The following ENTPD3 variants were observed in gnomAD, a reference collection of about 807,000 sequenced individuals.
The protein encoded by ENTPD3 is CD39 antigen-like 3.
A neutral mutation model predicts 51.2 loss-of-function variants in ENTPD3; 60 were observed. The observed-to-expected ratio is 1.17, with a 90% CI of 0.95 to 1.45. The LOEUF is 1.45. Ranked by LOEUF, ENTPD3 falls within the 40% of genes most tolerant of loss-of-function variation. ENTPD3 has a pLI of 0.00. For synonymous variants in ENTPD3, 221 were observed against 238.4 expected (o/e 0.93, Z 0.67); for missense variants, 593 against 641.1 (o/e 0.93, Z 0.81).
At chr3:40,402,111 C>CTTTTTTTTTTTTTATT (rs775322652) in intron 4 of ENTPD3, among the ~76,000 whole-genome samples, 1 of 97,282 alleles carries the variant, frequency 1.0e-5, no homozygotes, top group Non-Finnish European at 2.1e-5. Context: ...ATTTCCTTTC[C>CTTTTTTTTTTTTTATT]TTTTTTTTTT....
At chr3:40,422,650 T>C in intron 7 of ENTPD3, among the ~76,000 whole-genome samples, 200 bp from the exon 8 acceptor site, 1 of 151,996 alleles carries the variant, frequency 6.6e-6, no homozygotes, top group Non-Finnish European at 1.5e-5. Flanking sequence ...GAATGATGAT[T>C]TTCAATTTCA....
intron 3 of ENTPD3, among the ~76,000 whole-genome samples, chr3:40,393,336 T>C (rs1955110422): frequency 6.6e-6 from 1 of 152,222 alleles, no homozygotes; most frequent in African/African-American, 2.4e-5. Flanking sequence ...CCTTCTTAGC[T>C]GTGCCATAGG....
chr3:40,426,274 AATTTTTGT>A (rs1407802231), intron 10 of ENTPD3, among the ~76,000 whole-genome samples: 15 of 151,748 alleles, frequency 9.9e-5, no homozygotes, highest in Non-Finnish European at 1.9e-4. Context: ...ATGCCTGGCT[AATTTTTGT>A]ATTTTTGTAG....
At chr3:40,404,606 A>G (rs921627241) in intron 4 of ENTPD3, among the ~76,000 whole-genome samples, 8 of 152,188 alleles carry the variant, frequency 5.3e-5, no homozygotes, top group African/African-American at 1.9e-4. Context: ...GCCACAGCAT[A>G]TCCATAAATG....
chr3:40,397,490 G>A (rs527531115), intron 3 of ENTPD3, among the ~76,000 whole-genome samples: 9 of 151,804 alleles, frequency 5.9e-5, no homozygotes, highest in East Asian at 5.8e-4. Context: ...CCCATGTGTC[G>A]AATGGTATGA....
intron 10 of ENTPD3, among the ~76,000 whole-genome samples, chr3:40,425,610 A>T (rs1273597103): frequency 3.9e-5 from 6 of 151,998 alleles, no homozygotes; most frequent in Non-Finnish European, 5.9e-5. Flanking sequence ...AATTTACATT[A>T]AAAAAGCCGG....
chr3:40,411,650 A>T (rs1955633183), intron 4 of ENTPD3, among the ~76,000 whole-genome samples, 162 bp from the exon 5 acceptor site: 1 of 152,190 alleles, frequency 6.6e-6, no homozygotes, highest in South Asian at 2.1e-4. Context: ...GGTTGCAAGT[A>T]TACTGATCAG....
At chr3:40,405,448 T>C (rs915914394) in intron 4 of ENTPD3, among the ~76,000 whole-genome samples, 1 of 151,402 alleles carries the variant, frequency 6.6e-6, no homozygotes, top group Admixed American at 6.6e-5. Flanking sequence ...GAAGTTGCAG[T>C]GAGTGGAAAT....
chr3:40,421,444 T>A (rs1209062135), intron 7 of ENTPD3, among the ~76,000 whole-genome samples: 1 of 152,154 alleles, frequency 6.6e-6, no homozygotes, highest in Admixed American at 6.5e-5. Flanking sequence ...TTCAGGACTT[T>A]AGCATAAAAT....
intron 3 of ENTPD3, among the ~76,000 whole-genome samples, chr3:40,395,989 A>G (rs1404202064): frequency 6.6e-6 from 1 of 152,194 alleles, no homozygotes; most frequent in Admixed American, 6.5e-5. Context: ...AAGAAAAGAG[A>G]ACAGACAACA....
intron 3 of ENTPD3, chr3:40,399,649 G>A (rs1955295444): frequency 6.6e-6 from 1 of 152,192 alleles, no homozygotes; most frequent in Non-Finnish European, 1.5e-5. Flanking sequence ...ACAGATACGG[G>A]GCTTAGGTAT....
At chr3:40,388,483 T>A (rs1245722898) in intron 2 of ENTPD3, among the ~76,000 whole-genome samples, 2 of 151,972 alleles carry the variant, frequency 1.3e-5, no homozygotes, top group African/African-American at 4.8e-5. Context: ...GCTGGCACAG[T>A]GCCTACAACA....
chr3:40,420,511 T>A (rs1010716486), intron 7 of ENTPD3, among the ~76,000 whole-genome samples: 4 of 152,116 alleles, frequency 2.6e-5, no homozygotes, highest in Non-Finnish European at 1.5e-5. Context: ...AGTGCTGGAA[T>A]TACACGTGTG....
chr3:40,424,152 T>C (rs1955939079), intron 10 of ENTPD3, 189 bp downstream of exon 10: 2 of 985,402 alleles, frequency 2.0e-6, no homozygotes, highest in Non-Finnish European at 2.4e-6. Flanking sequence ...CTCATGGGTA[T>C]ACATTCTCCT....
intron 3 of ENTPD3, among the ~76,000 whole-genome samples, chr3:40,393,843 G>A (rs923942758): frequency 6.6e-6 from 1 of 151,820 alleles, no homozygotes; most frequent in Non-Finnish European, 1.5e-5. Flanking sequence ...AGGAGATTGA[G>A]ACCGTCCTGG....
At position 40,423,073 on chromosome 3, in the gene ENTPD3, C is replaced by T. The variant is rs767421196; in HGVS notation, c.1055C>T (p.Thr352Ile). ...TTCAAAGCTTGCCATGATCAAGAAA[C>T]CTGTTCTTTTGATGGGGTTTATCAG... Reference protein sequence around the residue: ...FDFKACHDQETCSFDGVYQPK... With the variant: ...FDFKACHDQEICSFDGVYQPK... Residue 352 changes from threonine to isoleucine, a missense_variant, in exon 8 of 11, where the codon ACC becomes ATC. Transcript: ENST00000301825. 5 of 1,613,900 alleles carry T rather than the reference C, an allele frequency of 3.1e-6. No individual in the cohort carries two copies. Among genetic ancestry groups the T allele is most frequent in the Non-Finnish European group, 3.4e-6 (4 of 1,179,940 alleles).
At chr3:40,391,962 A>T (rs1955067516) in intron 2 of ENTPD3, 61 bp from the exon 3 acceptor site, 1 of 1,597,236 alleles carries the variant, frequency 6.3e-7, no homozygotes, top group East Asian at 2.2e-5. Flanking sequence ...AATTCTACAA[A>T]GAATACCAGT....
At chr3:40,392,293 C>T (rs1955077212) in intron 3 of ENTPD3, 143 bp downstream of exon 3, 8 of 956,350 alleles carry the variant, frequency 8.4e-6, no homozygotes, top group Non-Finnish European at 1.2e-5. Context: ...GTGTAAGACG[C>T]AAGGGAGAAG....
intron 4 of ENTPD3, among the ~76,000 whole-genome samples, chr3:40,402,547 T>C (rs1575215220): frequency 6.6e-6 from 1 of 152,216 alleles, no homozygotes; most frequent in Non-Finnish European, 1.5e-5. Context: ...CATTTTTCTA[T>C]TGAATTGTTG....
Sources: allele counts gnomAD v4.1 joint callset (sites outside exome capture counted in the v4.1 genomes callset), GRCh38; gene constraint gnomAD v4.1.1; transcripts MANE v1.5; gene names NCBI Gene and HGNC (gene_info 2026-07-23, HGNC 2026-07-21).